ARID4B: variants seen among roughly 807,000 people sequenced by gnomAD.
ARID4B encodes AT-rich interaction domain 4B, also known as AT-rich interactive domain-containing protein 4B.
Under a neutral mutation model 147.5 loss-of-function variants are expected in ARID4B, and 26 were observed. That is an observed-to-expected ratio of 0.18 (90% CI 0.13 to 0.24). The LOEUF (loss-of-function observed/expected upper bound fraction) is 0.24. ARID4B is among the 10% of genes least tolerant of loss of function. The pLI, the probability that ARID4B is intolerant of heterozygous loss-of-function variation, is 1.00. For synonymous variants in ARID4B, 512 were observed against 507.9 expected (o/e 1.01, Z -0.11); for missense variants, 1,179 against 1,511.5 (o/e 0.78, Z 3.65).
intron 21 of ARID4B, among the ~76,000 whole-genome samples, chr1:235,176,496 A>T (rs1663892490): frequency 1.4e-5 from 2 of 146,860 alleles, no homozygotes; most frequent in African/African-American, 2.5e-5. Context: ...GCCAGAAATT[A>T]TTCCAAATAG....
chr1:235,197,910 G>A (rs1286706909), intron 17 of ARID4B, among the ~76,000 whole-genome samples: 2 of 151,948 alleles, frequency 1.3e-5, no homozygotes, highest in South Asian at 2.1e-4. Flanking sequence ...TATTAATATC[G>A]AAAATTGTAT....
chr1:235,310,881 T>C (rs1384236929), intron 2 of ARID4B, among the ~76,000 whole-genome samples: 1 of 152,084 alleles, frequency 6.6e-6, no homozygotes, highest in Non-Finnish European at 1.5e-5. Context: ...ACATTGTCCA[T>C]GCTGGTCTCA....
chr1:235,265,959 TAA>T (rs1465833778), intron 2 of ARID4B, among the ~76,000 whole-genome samples: 1 of 152,192 alleles, frequency 6.6e-6, no homozygotes, highest in Non-Finnish European at 1.5e-5. Flanking sequence ...AAAAAATGTT[TAA>T]GTCTATATAC....
intron 8 of ARID4B, among the ~76,000 whole-genome samples, chr1:235,234,859 C>A (rs1668459448): frequency 6.6e-6 from 1 of 152,188 alleles, no homozygotes; most frequent in South Asian, 2.1e-4. Flanking sequence ...CCAGAATTTC[C>A]AGAGCCTTGT....
intron 19 of ARID4B, chr1:235,189,997 AAG>A (rs1284794462): frequency 6.5e-6 from 1 of 154,414 alleles, no homozygotes; most frequent in Admixed American, 6.5e-5. Context: ...GCTAGAATGA[AAG>A]AGTCTAGCAA....
intron 17 of ARID4B, among the ~76,000 whole-genome samples, chr1:235,208,629 A>T (rs1475580084): frequency 2.0e-5 from 3 of 151,486 alleles, no homozygotes; most frequent in Non-Finnish European, 4.4e-5. Context: ...CACCCTACCT[A>T]GTAGCTGGGA....
chr1:235,201,688 A>G (rs1221916934), intron 17 of ARID4B, among the ~76,000 whole-genome samples: 1 of 152,092 alleles, frequency 6.6e-6, no homozygotes, highest in African/African-American at 2.4e-5. Flanking sequence ...CTTCCAGACC[A>G]GCCTGGCTAA....
At chr1:235,293,745 T>C (rs2103219673) in intron 2 of ARID4B, among the ~76,000 whole-genome samples, 1 of 152,334 alleles carries the variant, frequency 6.6e-6, no homozygotes, top group South Asian at 2.1e-4. Context: ...TACAGCCAGT[T>C]TGTCACTACC....
chr1:235,179,421 G>A (rs1157388778), intron 20 of ARID4B, among the ~76,000 whole-genome samples: 1 of 150,054 alleles, frequency 6.7e-6, no homozygotes, highest in Non-Finnish European at 1.5e-5. Context: ...TACTCAGCAG[G>A]CTGAGGCAGG....
At chr1:235,176,711 G>T in intron 21 of ARID4B, 1 of 384,242 alleles carries the variant, frequency 2.6e-6, no homozygotes, top group Admixed American at 3.2e-5. Context: ...GCCTTGCTGA[G>T]CACAGCCGCC....
intron 23 of ARID4B, 68 bp downstream of exon 23, chr1:235,172,550 C>G: frequency 8.5e-7 from 1 of 1,179,450 alleles, no homozygotes; most frequent in Non-Finnish European, 1.1e-6. Flanking sequence ...TGCACTCCAG[C>G]CTGGCGACAA....
At chr1:235,223,684 C>CGTTTT (rs149769753) in intron 12 of ARID4B, among the ~76,000 whole-genome samples, 31,136 of 114,736 alleles carry the variant, frequency 0.27, 4,826 homozygotes, top group South Asian at 0.49. Flanking sequence ...AGTAAAGCTA[C>CGTTTT]ATTTTTTTTT....
chr1:235,224,303 C>T (rs1178764950), intron 12 of ARID4B, among the ~76,000 whole-genome samples: 1 of 152,170 alleles, frequency 6.6e-6, no homozygotes, highest in Non-Finnish European at 1.5e-5. Context: ...ATTCTTCTTC[C>T]TTCAATCCTT....
intron 8 of ARID4B, among the ~76,000 whole-genome samples, chr1:235,236,833 A>AAAAATATATATATATATATAT (rs1175189621): frequency 3.0e-5 from 1 of 33,522 alleles, no homozygotes; most frequent in East Asian, 1.5e-3. Context: ...TTTTATAAAA[A>AAAAATATATATATATATATAT]ATATATATAT....
intron 2 of ARID4B, among the ~76,000 whole-genome samples, chr1:235,309,775 G>A (rs571863799): frequency 1.3e-5 from 2 of 152,302 alleles, no homozygotes; most frequent in African/African-American, 4.8e-5. Context: ...GATGGTTGCC[G>A]TGTCTGTGTA....
At chr1:235,305,009 TTATC>T (rs574730558) in intron 2 of ARID4B, among the ~76,000 whole-genome samples, 5 of 152,190 alleles carry the variant, frequency 3.3e-5, no homozygotes, top group Non-Finnish European at 5.9e-5. Context: ...TGTGAAAATG[TTATC>T]TATCAAGGGG....
intron 16 of ARID4B, among the ~76,000 whole-genome samples, chr1:235,218,813 C>T (rs1349959024): frequency 1.3e-5 from 2 of 151,656 alleles, no homozygotes; most frequent in African/African-American, 4.8e-5. Flanking sequence ...TTTTTATTTT[C>T]CCCTTCCCTG....
chr1:235,308,478 C>A (rs1274575607), intron 2 of ARID4B, among the ~76,000 whole-genome samples: 1 of 149,492 alleles, frequency 6.7e-6, no homozygotes, highest in Admixed American at 6.7e-5. Context: ...TCCCTCTCCC[C>A]ACGGTCTCCC....
chr1:235,283,379 T>G (rs1040501589), intron 2 of ARID4B, among the ~76,000 whole-genome samples: 5 of 152,288 alleles, frequency 3.3e-5, no homozygotes, highest in African/African-American at 1.2e-4. Context: ...AGCTAATGTT[T>G]AAAATGTTGA....
Sources: gnomAD v4.1 joint callset for allele counts (sites outside exome capture counted in the v4.1 genomes callset) on GRCh38, gnomAD v4.1.1 for gene constraint, MANE v1.5 for transcripts, NCBI Gene and HGNC (gene_info 2026-07-23, HGNC 2026-07-21) for gene names.